Variants in AFF3 observed in about 807,000 individuals in gnomAD.
The protein encoded by AFF3 is ALF transcription elongation factor 3, also known as AF4/FMR2 family member 3.
AFF3 carries 32 observed loss-of-function variants against 129.7 expected under a neutral mutation model. That is an observed-to-expected ratio of 0.25 (90% CI 0.19 to 0.33). The LOEUF (loss-of-function observed/expected upper bound fraction) is 0.33, where lower values mean the gene tolerates loss of function less well. Among genes scored for constraint, AFF3 ranks in the 10% least tolerant of loss-of-function variants. AFF3 has a pLI of 1.00. For synonymous variants in AFF3, 644 were observed against 635.4 expected (o/e 1.01, Z -0.20); for missense variants, 1,373 against 1,592.0 (o/e 0.86, Z 2.34).
chr2:99,715,963 C>T (rs567024034), intron 11 of AFF3, among the ~76,000 whole-genome samples: 5 of 152,240 alleles, frequency 3.3e-5, no homozygotes, highest in African/African-American at 7.2e-5. Context: ...TGAGCCACTG[C>T]GCTCAGCCTC....
At chr2:99,599,205 G>A (rs1679577538) in intron 14 of AFF3, among the ~76,000 whole-genome samples, 1 of 152,202 alleles carries the variant, frequency 6.6e-6, no homozygotes, top group African/African-American at 2.4e-5. Flanking sequence ...TTATCTCAGT[G>A]ACATTTAGAA....
chr2:99,872,594 A>AAAATAAAAT lies in AFF3; in HGVS notation c.874-35071_874-35070insATTTTATTT, dbSNP rs1558934372. Among the ~76,000 whole-genome samples, 191 of 127,648 alleles carry AAAATAAAAT rather than the reference A, an allele frequency of 1.5e-3. 2 individuals carry two copies. The highest frequency in any genetic ancestry group is 9.1e-3 in the South Asian group (36 of 3,946). 83.7% of individuals were successfully genotyped at this position (127,648 alleles called of 152,430 possible). Reference sequence around the variant, plus strand: ...AGTCCTATGCAAAAATGCTTCTTACAAAAATAAAATAAAATAAAATAAAAT... The same window carrying AAAATAAAAT: ...AGTCCTATGCAAAAATGCTTCTTACAAAATAAAATAAAATAAAATAAAATAAAATAAAAT... On this transcript the variant is annotated intron_variant, in intron 7 of 24. Coordinates refer to ENST00000672756, the MANE Select transcript of AFF3 (RefSeq NM_001386135.1).
rs17023423 is a variant in AFF3, at chr2:100,012,886, T to A, written c.54-3954A>T. Among the ~76,000 whole-genome samples the A allele has an allele frequency of 8.8e-3, 1,343 of 152,316 alleles. 26 individuals are homozygous for A. Among genetic ancestry groups the A allele is most frequent in the African/African-American group, 0.03 (1,266 of 41,570 alleles). On this transcript the variant is annotated intron_variant, in intron 4 of 24. Coordinates refer to ENST00000672756, the MANE Select transcript of AFF3 (RefSeq NM_001386135.1). ...TAGCAGATGGTAAAAATTTCTATCA[T>A]CTGCAAAGTTGCTCCTATTTCCATA...
intron 7 of AFF3, among the ~76,000 whole-genome samples, chr2:99,930,488 T>C (rs942208742): frequency 4.6e-5 from 7 of 152,198 alleles, no homozygotes; most frequent in African/African-American, 4.8e-5. Context: ...GAAAATTCTA[T>C]AGTAGGCGAG....
intron 11 of AFF3, among the ~76,000 whole-genome samples, chr2:99,694,774 T>C (rs1427364174): frequency 6.6e-6 from 1 of 152,208 alleles, no homozygotes; most frequent in East Asian, 1.9e-4. Context: ...CGGTACATTC[T>C]TGGCTCACTG....
chr2:99,646,832 A>C (rs1684737342), intron 13 of AFF3, among the ~76,000 whole-genome samples: 1 of 152,252 alleles, frequency 6.6e-6, no homozygotes, highest in Admixed American at 6.5e-5. Flanking sequence ...ATATGAATGC[A>C]ATTAATTCAG....
At chr2:99,740,944 T>G in intron 10 of AFF3, among the ~76,000 whole-genome samples, 1 of 152,204 alleles carries the variant, frequency 6.6e-6, no homozygotes. Context: ...GGTCTAACGT[T>G]TAAGTCTTTA....
At chr2:100,070,789 T>C (rs1688119148) in intron 4 of AFF3, among the ~76,000 whole-genome samples, 6 of 152,220 alleles carry the variant, frequency 3.9e-5, no homozygotes, top group Admixed American at 3.3e-4. Context: ...TCATGGTAGA[T>C]GCTCAACCAA....
At chr2:99,617,499 T>C (rs917503701) in intron 13 of AFF3, among the ~76,000 whole-genome samples, 1 of 152,216 alleles carries the variant, frequency 6.6e-6, no homozygotes, top group African/African-American at 2.4e-5. Flanking sequence ...TAAAAACTTA[T>C]AATTGAGTTA....
intron 7 of AFF3, among the ~76,000 whole-genome samples, chr2:99,955,641 G>T (rs1006980966): frequency 6.6e-6 from 1 of 152,142 alleles, no homozygotes; most frequent in African/African-American, 2.4e-5. Flanking sequence ...TAATATTGAA[G>T]AAAAATTTAA....
At chr2:99,655,568 CAGCAGAGCAAGAT>C (rs1340228076) in intron 12 of AFF3, among the ~76,000 whole-genome samples, 1 of 152,048 alleles carries the variant, frequency 6.6e-6, no homozygotes, top group Non-Finnish European at 1.5e-5. Context: ...GTAGGGACAG[CAGCAGAGCAAGAT>C]GAGGCCAATC....
At chr2:99,926,294 C>T (rs1696233538) in intron 7 of AFF3, among the ~76,000 whole-genome samples, 1 of 152,148 alleles carries the variant, frequency 6.6e-6, no homozygotes, top group Non-Finnish European at 1.5e-5. Flanking sequence ...TGCCATTGCT[C>T]CCACCTGCCC....
At chr2:99,682,791 C>T (rs562161552) in intron 11 of AFF3, among the ~76,000 whole-genome samples, 1 of 152,276 alleles carries the variant, frequency 6.6e-6, no homozygotes, top group Admixed American at 6.5e-5. Flanking sequence ...CTGAATAGGG[C>T]TTGGAAAATC....
intron 7 of AFF3, among the ~76,000 whole-genome samples, chr2:99,899,029 C>A (rs1016876951): frequency 6.6e-6 from 1 of 152,162 alleles, no homozygotes; most frequent in African/African-American, 2.4e-5. Context: ...CTGCAAATGC[C>A]GTATTTCTGC....
At chr2:99,669,922 C>G (rs563047168) in intron 12 of AFF3, among the ~76,000 whole-genome samples, 1 of 152,196 alleles carries the variant, frequency 6.6e-6, no homozygotes, top group Admixed American at 6.5e-5. Context: ...TGCACTCCAG[C>G]CTGGGCGACA....
At chr2:99,563,080 T>C (rs374174890) in intron 20 of AFF3, among the ~76,000 whole-genome samples, 1 of 152,014 alleles carries the variant, frequency 6.6e-6, no homozygotes, top group East Asian at 1.9e-4. Context: ...GGCTAGGTCA[T>C]CTTGGTGGTG....
At chr2:100,007,552 G>T in intron 5 of AFF3, 92 bp from the exon 6 acceptor site, 1 of 1,183,714 alleles carries the variant, frequency 8.4e-7, no homozygotes, top group Non-Finnish European at 1.2e-6. Flanking sequence ...ACAGAGCCAG[G>T]GTTGTCACAT....
intron 7 of AFF3, among the ~76,000 whole-genome samples, chr2:99,906,526 T>C (rs1694728197): frequency 1.3e-5 from 2 of 152,160 alleles, no homozygotes; most frequent in Non-Finnish European, 2.9e-5. Context: ...TTCTGTGAAG[T>C]TATTTTGTAG....
intron 7 of AFF3, among the ~76,000 whole-genome samples, chr2:99,936,978 AAT>A (rs750430062): frequency 6.6e-6 from 1 of 152,234 alleles, no homozygotes; most frequent in Non-Finnish European, 1.5e-5. Flanking sequence ...AAAAGCCCAG[AAT>A]ATAACATTCT....
Sources: allele counts gnomAD v4.1 joint callset (sites outside exome capture counted in the v4.1 genomes callset), GRCh38; gene constraint gnomAD v4.1.1; transcripts MANE v1.5; gene names NCBI Gene and HGNC (gene_info 2026-07-23, HGNC 2026-07-21).